PACRG: variants seen among roughly 807,000 people sequenced by gnomAD.
PACRG encodes the protein parkin coregulated gene protein.
A neutral mutation model predicts 29.7 loss-of-function variants in PACRG; 29 were observed. The ratio of observed to expected loss-of-function variants is 0.98; its 90% CI spans 0.73 to 1.33. The LOEUF is 1.33. Ranked by LOEUF, PACRG falls within the 40% of genes most tolerant of loss-of-function variation. PACRG has a pLI of 0.00. For missense variants in PACRG, 279 were observed against 316.2 expected (o/e 0.88, Z 0.89); for synonymous variants, 116 against 118.7 (o/e 0.98, Z 0.15).
chr6:162,854,093 A>C (rs913407284), intron 2 of PACRG, among the ~76,000 whole-genome samples: 3 of 150,298 alleles, frequency 2.0e-5, no homozygotes, highest in Non-Finnish European at 4.4e-5. Context: ...TATAGTTTTT[A>C]TTTTGTATTT....
In PACRG at chr6:162,747,333, T is replaced by TAC. The variant is rs1419450528; in HGVS notation, c.156+18943_156+18944insCA. Reference sequence around the variant, plus strand: ...GACTGGCTCTCCTTGCTCATATATATATATATATATATATATATATATATA... The same window carrying TAC: ...GACTGGCTCTCCTTGCTCATATATATACATATATATATATATATATATATATA... On this transcript the variant is annotated intron_variant, in intron 1 of 4. Coordinates refer to ENST00000366888, the MANE Select transcript of PACRG (RefSeq NM_001080379.2). Among the ~76,000 whole-genome samples, 417 of 64,132 alleles carry TAC rather than the reference T, an allele frequency of 6.5e-3. 39 individuals are homozygous for TAC. The highest frequency in any genetic ancestry group is 0.014 in the South Asian group (16 of 1,126). The allele number at this position is 64,132 out of a possible 152,430, so 42.1% of individuals were successfully genotyped here.
chr6:162,742,787 G>A (rs1211848678), intron 1 of PACRG, among the ~76,000 whole-genome samples: 1 of 151,944 alleles, frequency 6.6e-6, no homozygotes, highest in African/African-American at 2.4e-5. Flanking sequence ...GAATAATGCT[G>A]TAATAAACAT....
chr6:162,925,305 C>T (rs1797352114), intron 2 of PACRG, among the ~76,000 whole-genome samples: 1 of 152,160 alleles, frequency 6.6e-6, no homozygotes, highest in Non-Finnish European at 1.5e-5. Context: ...TTCTCCCTAA[C>T]TCATTTTATG....
intron 4 of PACRG, among the ~76,000 whole-genome samples, chr6:163,223,342 C>T (rs573000888): frequency 2.6e-5 from 4 of 152,014 alleles, no homozygotes; most frequent in Admixed American, 6.5e-5. Context: ...TGCAGTAAGC[C>T]GAGATTGCGC....
intron 4 of PACRG, among the ~76,000 whole-genome samples, chr6:163,108,496 G>A (rs1290813515): frequency 7.2e-6 from 1 of 139,518 alleles, no homozygotes; most frequent in East Asian, 2.3e-4. Flanking sequence ...CCAGGTTCAA[G>A]CAATCTCAGG....
chr6:163,285,784 AT>A (rs1784381290), intron 4 of PACRG, among the ~76,000 whole-genome samples: 1 of 152,298 alleles, frequency 6.6e-6, no homozygotes, highest in Non-Finnish European at 1.5e-5. Context: ...CTCTGTATAA[AT>A]TCCTCTCAGG....
chr6:162,742,388 C>T (rs917997991), intron 1 of PACRG, among the ~76,000 whole-genome samples: 7 of 152,052 alleles, frequency 4.6e-5, no homozygotes, highest in Admixed American at 1.3e-4. Flanking sequence ...ACCATGATTG[C>T]GAGGCTTCTT....
At position 163,166,104 on chromosome 6, in the gene PACRG, G is replaced by C. The variant is rs895480010; in HGVS notation, c.613+76696G>C. The stretch of plus-strand genomic sequence containing the variant: ...AGTAACACAGAAGCTCCAATTCCTC[G>C]GCTGCAGGGCTTGGCGCGGGGTTTC... On this transcript the variant is annotated intron_variant, in intron 4 of 4. Coordinates refer to ENST00000366888, the MANE Select transcript of PACRG (RefSeq NM_001080379.2). 4 of 456,082 alleles carry C rather than the reference G, an allele frequency of 8.8e-6. No individual in the cohort carries two copies. In the Admixed American group the frequency reaches 9.4e-5, roughly 11 times the overall value. 28.3% of individuals were successfully genotyped at this position (456,082 alleles called of 1,614,324 possible). A position where few individuals can be genotyped will look rare whatever the true frequency, so the allele number is the denominator to read the frequency against.
At chr6:163,293,263 A>T (rs1032978642) in intron 4 of PACRG, among the ~76,000 whole-genome samples, 60 of 152,200 alleles carry the variant, frequency 3.9e-4, no homozygotes, top group African/African-American at 1.4e-3. Context: ...CCTGGCAGGG[A>T]TGGCAGCATT....
At chr6:163,226,643 G>A (rs1562326461) in intron 4 of PACRG, among the ~76,000 whole-genome samples, 2 of 152,182 alleles carry the variant, frequency 1.3e-5, no homozygotes, top group Non-Finnish European at 2.9e-5. Flanking sequence ...CATGCAGGCT[G>A]CTGGAGGAAG....
chr6:162,826,313 G>A (rs988613634), intron 2 of PACRG, among the ~76,000 whole-genome samples: 3 of 152,050 alleles, frequency 2.0e-5, no homozygotes. Flanking sequence ...ACAAGGAAAA[G>A]ACATAAAAAT....
intron 2 of PACRG, among the ~76,000 whole-genome samples, chr6:162,849,111 C>T (rs13202482): frequency 0.074 from 11,292 of 152,176 alleles, 714 homozygotes; most frequent in South Asian, 0.23. Context: ...TTTACCGTAA[C>T]ACGAAAAGAC....
At chr6:163,262,115 G>A (rs1190765144) in intron 4 of PACRG, among the ~76,000 whole-genome samples, 1 of 152,152 alleles carries the variant, frequency 6.6e-6, no homozygotes, top group Non-Finnish European at 1.5e-5. Context: ...AAAGTAGAGG[G>A]CAAAGCAGAA....
intron 2 of PACRG, among the ~76,000 whole-genome samples, chr6:163,007,657 G>T (rs1003301374): frequency 6.6e-6 from 1 of 152,076 alleles, no homozygotes; most frequent in African/African-American, 2.4e-5. Context: ...GCTTCTTAGG[G>T]GTGACTGCTT....
At chr6:163,117,296 T>C (rs184862660) in intron 4 of PACRG, among the ~76,000 whole-genome samples, 1 of 152,286 alleles carries the variant, frequency 6.6e-6, no homozygotes, top group East Asian at 1.9e-4. Context: ...CCCTGTGCTG[T>C]GGCTTCAGCT....
At chr6:162,987,817 G>A (rs775952591) in intron 2 of PACRG, among the ~76,000 whole-genome samples, 1 of 152,206 alleles carries the variant, frequency 6.6e-6, no homozygotes, top group Non-Finnish European at 1.5e-5. Flanking sequence ...TATGTTTATT[G>A]TGCTGACTTT....
intron 1 of PACRG, among the ~76,000 whole-genome samples, chr6:162,759,855 AAAAT>A (rs1782208457): frequency 6.6e-6 from 1 of 152,216 alleles, no homozygotes; most frequent in Non-Finnish European, 1.5e-5. Flanking sequence ...GTTTTTCTTA[AAAAT>A]AAATATTCAA....
intron 1 of PACRG, among the ~76,000 whole-genome samples, chr6:162,774,505 T>C (rs1051261394): frequency 1.3e-5 from 2 of 152,248 alleles, no homozygotes; most frequent in Admixed American, 6.5e-5. Context: ...TTGATCATTA[T>C]GTTGGGAATT....
intron 4 of PACRG, among the ~76,000 whole-genome samples, chr6:163,119,975 C>T (rs1406013687): frequency 2.0e-5 from 3 of 152,220 alleles, no homozygotes; most frequent in East Asian, 3.9e-4. Context: ...TTTCTGGTGT[C>T]GGTTCAGCCT....
Sources: gnomAD v4.1 joint callset for allele counts (sites outside exome capture counted in the v4.1 genomes callset) on GRCh38, gnomAD v4.1.1 for gene constraint, MANE v1.5 for transcripts, NCBI Gene and HGNC (gene_info 2026-07-23, HGNC 2026-07-21) for gene names.